GPLD1: variants seen among roughly 807,000 people sequenced by gnomAD.
GPLD1 encodes the protein glycosylphosphatidylinositol specific phospholipase D1, also known as phosphatidylinositol-glycan-specific phospholipase D.
In GPLD1, 84 loss-of-function variants were observed where a neutral mutation model predicts 112.6. The observed-to-expected ratio is 0.75, with a 90% confidence interval of 0.63 to 0.89. GPLD1 has a LOEUF of 0.89. Ranked by LOEUF, GPLD1 falls within the 40% of genes least tolerant of loss-of-function variation. The pLI is 0.00. For missense variants in GPLD1, 1,044 were observed against 1,051.5 expected (o/e 0.99, Z 0.10); for synonymous variants, 386 against 403.8 (o/e 0.96, Z 0.53).
chr6:24,437,531 T>G (rs1762620204), intron 20 of GPLD1, among the ~76,000 whole-genome samples: 1 of 152,116 alleles, frequency 6.6e-6, no homozygotes, highest in Non-Finnish European at 1.5e-5. Flanking sequence ...ATCCCCATAA[T>G]ACAGTCTCCA....
chr6:24,445,493 T>C, intron 20 of GPLD1, 53 bp downstream of exon 20: 1 of 1,206,898 alleles, frequency 8.3e-7, no homozygotes, highest in Non-Finnish European at 1.2e-6. Flanking sequence ...ATACGACATG[T>C]ACAAGCAGCC....
chr6:24,462,710 C>G lies in GPLD1; in HGVS notation c.887+20G>C, dbSNP rs372680775. On this transcript the variant is annotated intron_variant, in intron 11 of 24. Transcript: ENST00000230036. ...AGGTGAGATGTACTTTTTCTATGAA[C>G]AATTTTGGAATCCACTTACCCCTGG... 1.9e-6 allele frequency: 3 copies of G among 1,563,600 alleles called. No individual in the cohort carries two copies. In the African/African-American group the frequency reaches 4.1e-5, roughly 21 times the overall value.
intron 24 of GPLD1, among the ~76,000 whole-genome samples, chr6:24,430,111 T>A (rs1762357454): frequency 6.6e-6 from 1 of 152,246 alleles, no homozygotes; most frequent in Non-Finnish European, 1.5e-5. Flanking sequence ...TGTGCTTATC[T>A]TATCCCTTAA....
intron 20 of GPLD1, among the ~76,000 whole-genome samples, chr6:24,437,524 C>T (rs1278349012): frequency 6.6e-6 from 1 of 152,144 alleles, no homozygotes; most frequent in African/African-American, 2.4e-5. Flanking sequence ...CAGTCTTATC[C>T]CCATAATACA....
intron 13 of GPLD1, among the ~76,000 whole-genome samples, chr6:24,456,213 A>G (rs1189696731): frequency 1.3e-5 from 2 of 152,068 alleles, no homozygotes; most frequent in Non-Finnish European, 2.9e-5. Flanking sequence ...AGCCTGGTCA[A>G]CATGGTGAAA....
chr6:24,468,564 T>TTA (rs1186420773), intron 7 of GPLD1, among the ~76,000 whole-genome samples: 2 of 152,038 alleles, frequency 1.3e-5, no homozygotes, highest in African/African-American at 4.8e-5. Flanking sequence ...TATTTTTATT[T>TTA]TTTTTTTGAG....
chr6:24,435,883 T>A, intron 22 of GPLD1: 1 of 129,548 alleles, frequency 7.7e-6, no homozygotes, highest in Non-Finnish European at 1.7e-5. Context: ...GCCCAGGAAA[T>A]GTAACTTAAG....
intron 24 of GPLD1, among the ~76,000 whole-genome samples, chr6:24,431,875 G>C (rs1483233325): frequency 2.0e-5 from 3 of 152,126 alleles, no homozygotes; most frequent in Admixed American, 6.5e-5. Context: ...AATTTAAACT[G>C]TGTACACTTT....
intron 19 of GPLD1, 30 bp from the exon 20 acceptor site, chr6:24,445,669 A>T: frequency 1.3e-6 from 2 of 1,597,304 alleles, no homozygotes; most frequent in Non-Finnish European, 1.7e-6. Context: ...AATATTGTAT[A>T]GGTGAGAAAA....
upstream of GPLD1, among the ~76,000 whole-genome samples, chr6:24,492,067 A>G (rs1215386536): frequency 6.6e-6 from 1 of 152,228 alleles, no homozygotes; most frequent in East Asian, 1.9e-4. Context: ...TAAACAAGAC[A>G]GCATGATTCT....
chr6:24,451,035 T>C (rs1763063279), intron 14 of GPLD1, among the ~76,000 whole-genome samples: 1 of 152,206 alleles, frequency 6.6e-6, no homozygotes, highest in Non-Finnish European at 1.5e-5. Flanking sequence ...TCAGTTGCAA[T>C]AGCCACATTT....
Position 24,442,502 on chromosome 6 carries a change from T to C in GPLD1, c.2020+3044A>G, listed in dbSNP as rs1762781859. 1.5e-5 allele frequency among the ~76,000 whole-genome samples: 2 copies of C among 134,042 alleles called. 1 individual carries two copies. The highest frequency in any genetic ancestry group is 5.1e-4 in the South Asian group (2 of 3,950). The allele number at this position is 134,042 out of a possible 152,430, so 87.9% of individuals were successfully genotyped here. ...CTCTGTCACCCAGGCTGGAGTGCAGTGGCACAATCTCAGCTCACTGCAAGC... is the reference window on the plus strand; with the variant it reads ...CTCTGTCACCCAGGCTGGAGTGCAGCGGCACAATCTCAGCTCACTGCAAGC... On this transcript the variant is annotated intron_variant, in intron 20 of 24. Transcript: ENST00000230036.
intron 7 of GPLD1, among the ~76,000 whole-genome samples, chr6:24,471,024 G>T (rs1181455930): frequency 6.6e-6 from 1 of 152,148 alleles, no homozygotes; most frequent in Non-Finnish European, 1.5e-5. Context: ...AAAGAACAAA[G>T]GCAAAGAATA....
At chr6:24,445,955 C>T (rs793713) in intron 18 of GPLD1, 124 bp from the exon 19 acceptor site, 666,741 of 691,552 alleles carry the variant, frequency 0.96, 322,140 homozygotes, top group Non-Finnish European at 0.99. Flanking sequence ...TCTGTCTCTG[C>T]GACCCCAGGC....
chr6:24,440,654 G>A (rs1292212765), intron 20 of GPLD1, among the ~76,000 whole-genome samples: 2 of 146,904 alleles, frequency 1.4e-5, no homozygotes, highest in Non-Finnish European at 3.0e-5. Flanking sequence ...TTGTGAACCT[G>A]AGATGGGAGG....
chr6:24,478,391 T>G (rs1764092477), intron 3 of GPLD1, among the ~76,000 whole-genome samples: 1 of 152,172 alleles, frequency 6.6e-6, no homozygotes, highest in African/African-American at 2.4e-5. Context: ...TAGCCCCAGA[T>G]AGTTCATTTC....
rs117455187 is a variant in GPLD1 at position 24,482,776 on chromosome 6, T to C, written c.154-2817A>G. On this transcript the variant is annotated intron_variant, in intron 2 of 24. Transcript: ENST00000230036. ...GAGTTCAAGACCAGCCTGGGTGACA[T>C]GGCAAGACTCTGTTTCTACAAAAAA... 1.2e-4 allele frequency among the ~76,000 whole-genome samples: 17 copies of C among 147,734 alleles called. No homozygotes were observed. In the East Asian group the frequency reaches 3.2e-3, roughly 28 times the overall value.
intron 12 of GPLD1, among the ~76,000 whole-genome samples, chr6:24,458,326 C>T (rs1252504795): frequency 6.6e-6 from 1 of 152,128 alleles, no homozygotes; most frequent in African/African-American, 2.4e-5. Flanking sequence ...GCATAGATTG[C>T]TTCATCCTAA....
In GPLD1 at chr6:24,449,720, G is replaced by A. The variant is rs148566055; in HGVS notation, c.1446+69C>T. ...CTTTGCTCCAGGGGCTCATCCCAGC[G>A]TTGGCCTCCCTCAGAGTCCCCTCCC... On this transcript the variant is annotated intron_variant, in intron 15 of 24. Transcript: ENST00000230036. 3.9e-3 allele frequency: 3,977 copies of A among 1,011,632 alleles called. 16 individuals are homozygous for A. The highest frequency in any genetic ancestry group is 5.1e-3 in the Non-Finnish European group (3,338 of 657,330). The allele number at this position is 1,011,632 out of a possible 1,614,324, so 62.7% of individuals were successfully genotyped here.
Sources: gnomAD v4.1 joint callset for allele counts (sites outside exome capture counted in the v4.1 genomes callset) on GRCh38, gnomAD v4.1.1 for gene constraint, MANE v1.5 for transcripts, NCBI Gene and HGNC (gene_info 2026-07-23, HGNC 2026-07-21) for gene names.